Variants in LMO7 observed in about 807,000 individuals in gnomAD.
LMO7 encodes LIM domain only protein 7.
A neutral mutation model predicts 206.5 loss-of-function variants in LMO7; 120 were observed. The ratio of observed to expected loss-of-function variants is 0.58; its 90% CI spans 0.50 to 0.68. The LOEUF (loss-of-function observed/expected upper bound fraction) is 0.68. LMO7 is among the 30% of genes least tolerant of loss of function. The pLI, the probability that LMO7 is intolerant of heterozygous loss-of-function variation, is 0.00. For synonymous variants in LMO7, 706 were observed against 681.5 expected, an observed-to-expected ratio of 1.04 and a Z score of -0.56; for missense variants, 1,959 against 1,957.9, an observed-to-expected ratio of 1.00 and a Z score of -0.01.
At chr13:75,809,106 A>T in intron 10 of LMO7, 48 bp from the exon 11 acceptor site, 2 of 1,446,426 alleles carry the variant, frequency 1.4e-6, no homozygotes, top group African/African-American at 1.4e-5. Context: ...AGAAACTAAT[A>T]TGACTGGGAA....
intron 1 of LMO7, among the ~76,000 whole-genome samples, chr13:75,701,896 G>A (rs1225485461): frequency 3.3e-5 from 5 of 152,104 alleles, no homozygotes; most frequent in Non-Finnish European, 7.4e-5. Context: ...ATGGATTGAT[G>A]AAACCTTGTA....
chr13:75,835,212 G>T, intron 17 of LMO7, 21 bp from the exon 18 acceptor site: 9 of 1,612,112 alleles, frequency 5.6e-6, no homozygotes, highest in Non-Finnish European at 7.6e-6. Context: ...AATCTCACCA[G>T]TATGGCTACC....
chr13:75,654,870 TTCTC>T (rs1221553995), intron 1 of LMO7, among the ~76,000 whole-genome samples: 2 of 114,942 alleles, frequency 1.7e-5, no homozygotes, highest in East Asian at 2.6e-4. Flanking sequence ...TTCTTTTCTC[TTCTC>T]TCTTTTTTTT....
chr13:75,826,669 G>T (rs1342235196), intron 15 of LMO7, among the ~76,000 whole-genome samples: 1 of 152,096 alleles, frequency 6.6e-6, no homozygotes, highest in East Asian at 1.9e-4. Context: ...AGCCCTGTGA[G>T]GTAATCAACA....
At chr13:75,721,151 C>CA (rs1332477707) in intron 2 of LMO7, among the ~76,000 whole-genome samples, 1 of 151,830 alleles carries the variant, frequency 6.6e-6, no homozygotes, top group African/African-American at 2.4e-5. Flanking sequence ...TTTCTGGCAA[C>CA]AAAAAAATAC....
chr13:75,837,842 G>A (rs530672941), intron 19 of LMO7, among the ~76,000 whole-genome samples: 110 of 152,142 alleles, frequency 7.2e-4, no homozygotes, highest in Non-Finnish European at 6.2e-4. Context: ...TCCCTAAAAC[G>A]GCGTGATCTA....
chr13:75,791,868 T>C (rs148903053), intron 4 of LMO7, among the ~76,000 whole-genome samples: 1 of 152,298 alleles, frequency 6.6e-6, no homozygotes, highest in African/African-American at 2.4e-5. Flanking sequence ...GATAGGTATT[T>C]TTTTAAACTA....
intron 4 of LMO7, among the ~76,000 whole-genome samples, chr13:75,765,730 G>T (rs1441028688): frequency 6.6e-6 from 1 of 152,084 alleles, no homozygotes; most frequent in Non-Finnish European, 1.5e-5. Context: ...TATGAGGCAG[G>T]TCTGATGCTG....
intron 25 of LMO7, among the ~76,000 whole-genome samples, chr13:75,843,174 G>C (rs977764634): frequency 6.6e-6 from 1 of 152,210 alleles, no homozygotes; most frequent in Non-Finnish European, 1.5e-5. Flanking sequence ...GACTGGGCTT[G>C]CTCATATATC....
chr13:75,791,140 A>G (rs890476985), intron 4 of LMO7, among the ~76,000 whole-genome samples: 2 of 152,034 alleles, frequency 1.3e-5, no homozygotes, highest in East Asian at 1.9e-4. Flanking sequence ...TCTGTCTTTC[A>G]GAGCTCTGTT....
chr13:75,756,048 G>A (rs1269335042), intron 3 of LMO7, among the ~76,000 whole-genome samples: 1 of 152,164 alleles, frequency 6.6e-6, no homozygotes, highest in African/African-American at 2.4e-5. Context: ...TAAATTCAGA[G>A]CATTTGCAGG....
intron 4 of LMO7, among the ~76,000 whole-genome samples, chr13:75,782,937 T>C (rs2051763098): frequency 6.6e-6 from 1 of 152,162 alleles, no homozygotes; most frequent in African/African-American, 2.4e-5. Context: ...CCATGTAGGG[T>C]AACATTCACA....
In LMO7 at chr13:75,751,149, C is replaced by CTTTTTTTTTTTT. The variant is rs57976279; in HGVS notation, c.211-9765_211-9754dup. Among the ~76,000 whole-genome samples, 25 of 60,422 alleles carry CTTTTTTTTTTTT rather than the reference C, an allele frequency of 4.1e-4. 1 individual carries two copies. The highest frequency in any genetic ancestry group is 1.6e-3 in the African/African-American group (24 of 14,846). The allele number at this position is 60,422 out of a possible 152,430, so 39.6% of individuals were successfully genotyped here. A position where few individuals can be genotyped will look rare whatever the true frequency, so the allele number is the denominator to read the frequency against. On this transcript the variant is annotated intron_variant, in intron 3 of 30. Transcript: ENST00000377534. ...CATGTACTCAGCTCTTTTTTCAGCT[C>CTTTTTTTTTTTT]TTTTTTTTTTTTTTTTTTTTTTTTT...
intron 1 of LMO7, among the ~76,000 whole-genome samples, chr13:75,663,143 A>ATC (rs905034786): frequency 3.3e-5 from 5 of 151,562 alleles, no homozygotes; most frequent in Non-Finnish European, 7.4e-5. Context: ...TTTACTATAA[A>ATC]TCTCTCTCTC....
At chr13:75,706,547 A>G (rs1406048893) in intron 1 of LMO7, among the ~76,000 whole-genome samples, 1 of 152,246 alleles carries the variant, frequency 6.6e-6, no homozygotes, top group South Asian at 2.1e-4. Context: ...TCTTATACTG[A>G]AATTTAGAGT....
At chr13:75,806,397 AAAGCGT>A (rs2055470016) in intron 9 of LMO7, 1 of 216,066 alleles carries the variant, frequency 4.6e-6, no homozygotes. Flanking sequence ...ACTTAGTACA[AAAGCGT>A]AATGTATAAC....
chr13:75,807,440 TTAA>T, intron 9 of LMO7, 37 bp from the exon 10 acceptor site: 1 of 1,597,670 alleles, frequency 6.3e-7, no homozygotes, highest in Non-Finnish European at 8.5e-7. Flanking sequence ...CTCCCTAAGC[TTAA>T]TAAGATTCTC....
chr13:75,670,268 A>T (rs965844683), intron 1 of LMO7, among the ~76,000 whole-genome samples: 2 of 152,210 alleles, frequency 1.3e-5, no homozygotes, highest in Admixed American at 1.3e-4. Flanking sequence ...ATGTCCTTAA[A>T]GTTGCAGAAC....
At chr13:75,715,148 A>G (rs1040974427) in intron 2 of LMO7, among the ~76,000 whole-genome samples, 6 of 152,216 alleles carry the variant, frequency 3.9e-5, no homozygotes, top group African/African-American at 1.4e-4. Flanking sequence ...ATGTTTGAGA[A>G]TGACTACCAG....
Sources: gnomAD v4.1 joint callset for allele counts (sites outside exome capture counted in the v4.1 genomes callset) on GRCh38, gnomAD v4.1.1 for gene constraint, MANE v1.5 for transcripts, NCBI Gene and HGNC (gene_info 2026-07-23, HGNC 2026-07-21) for gene names.